ANO10: variants seen among roughly 807,000 people sequenced by gnomAD.
ANO10 encodes anoctamin 10, also known as anoctamin-10.
A neutral mutation model predicts 74.7 loss-of-function variants in ANO10; 77 were observed. The ratio of observed to expected loss-of-function variants is 1.03; its 90% CI spans 0.86 to 1.25. The LOEUF is 1.25. Ranked by LOEUF, ANO10 falls within the 50% of genes most tolerant of loss-of-function variation. The probability of loss-of-function intolerance (pLI) is 0.00; values close to 1 mark genes in which losing one functional copy is unlikely to be tolerated. For synonymous variants in ANO10, 279 were observed against 284.9 expected (o/e 0.98, Z 0.21); for missense variants, 721 against 778.1 (o/e 0.93, Z 0.87).
At position 43,464,024 on chromosome 3, in the gene ANO10, T is replaced by C. The variant is rs547191897; in HGVS notation, c.1798-31297A>G. Among the ~76,000 whole-genome samples, 17 of 152,302 alleles carry C rather than the reference T, an allele frequency of 1.1e-4. No homozygotes were observed. The East Asian group carries it at 2.9e-3, about 26-fold the overall frequency. On this transcript the variant is annotated intron_variant, in intron 11 of 12. Transcript: ENST00000292246. ...CTCTCTCTTTGCCTACTACCATCTA[T>C]GTAAGACATGACTTGCTCTTCCTCG...
chr3:43,604,372 T>C (rs958232121), intron 2 of ANO10, among the ~76,000 whole-genome samples: 7 of 152,154 alleles, frequency 4.6e-5, no homozygotes, highest in African/African-American at 1.7e-4. Context: ...GTGGGTATTG[T>C]GCAGAGTAAA....
chr3:43,578,610 C>G (rs1414767329), intron 5 of ANO10, among the ~76,000 whole-genome samples: 1 of 152,018 alleles, frequency 6.6e-6, no homozygotes, highest in Non-Finnish European at 1.5e-5. Flanking sequence ...ATTAGCCGGG[C>G]ATGGTGGTGT....
At chr3:43,521,180 C>T (rs1219971686) in intron 11 of ANO10, among the ~76,000 whole-genome samples, 1 of 152,128 alleles carries the variant, frequency 6.6e-6, no homozygotes, top group Non-Finnish European at 1.5e-5. Flanking sequence ...CTGGACAATG[C>T]TAAATAAAAC....
chr3:43,443,963 T>G (rs1222786376), intron 11 of ANO10, among the ~76,000 whole-genome samples: 2 of 152,172 alleles, frequency 1.3e-5, no homozygotes, highest in African/African-American at 4.8e-5. Flanking sequence ...ATTACAGGCA[T>G]GAGTCACTGC....
At chr3:43,396,638 A>G (rs1218983805) in intron 12 of ANO10, among the ~76,000 whole-genome samples, 1 of 151,700 alleles carries the variant, frequency 6.6e-6, no homozygotes, top group African/African-American at 2.4e-5. Flanking sequence ...CACCCGGCCC[A>G]TGTTTGATAA....
Position 43,631,716 on chromosome 3 carries a change from A to G in ANO10, c.-11-25853T>C, listed in dbSNP as rs549682900. 5.3e-5 allele frequency among the ~76,000 whole-genome samples: 8 copies of G among 151,922 alleles called. 1 individual carries two copies. The South Asian group carries it at 1.7e-3, about 32-fold the overall frequency. On this transcript the variant is annotated intron_variant, in intron 1 of 3. Transcript: ENST00000413397. ...ACACCCAACTTACCTCAATGAATGT[A>G]GAGAACCCATTATTTTCTATGGCAA...
intron 12 of ANO10, among the ~76,000 whole-genome samples, chr3:43,387,569 T>C (rs952846562): frequency 6.6e-6 from 1 of 152,160 alleles, no homozygotes; most frequent in African/African-American, 2.4e-5. Flanking sequence ...CTTTCCATTT[T>C]TCCCCAGATA....
chr3:43,624,794 A>G (rs1248919216), upstream of ANO10, among the ~76,000 whole-genome samples: 1 of 152,258 alleles, frequency 6.6e-6, no homozygotes, highest in African/African-American at 2.4e-5. Flanking sequence ...GGGATGGAGT[A>G]GGACAGGCGG....
At chr3:43,386,388 GGGGAAGGGAAAGGAAA>G (rs1253407546) in intron 12 of ANO10, among the ~76,000 whole-genome samples, 1 of 151,826 alleles carries the variant, frequency 6.6e-6, no homozygotes, top group African/African-American at 2.4e-5. Flanking sequence ...AAGGAGGAAA[GGGGAAGGGAAAGGAAA>G]GGGAAGGAAG....
chr3:43,552,726 A>ATATATG (rs1553710721), intron 10 of ANO10, among the ~76,000 whole-genome samples: 132 of 95,552 alleles, frequency 1.4e-3, no homozygotes, highest in African/African-American at 2.7e-3. Flanking sequence ...ATATATATAT[A>ATATATG]TATGTATGTA....
At chr3:43,416,687 G>T in intron 12 of ANO10, among the ~76,000 whole-genome samples, 1 of 152,068 alleles carries the variant, frequency 6.6e-6, no homozygotes, top group South Asian at 2.1e-4. Flanking sequence ...AAGGACATCT[G>T]GTTAAACACC....
chr3:43,402,872 G>A (rs1237245004), intron 12 of ANO10, among the ~76,000 whole-genome samples: 3 of 152,174 alleles, frequency 2.0e-5, no homozygotes, highest in Non-Finnish European at 2.9e-5. Context: ...TACCAAGACC[G>A]TACCATGGTC....
At chr3:43,425,363 G>A (rs192625204) in intron 12 of ANO10, among the ~76,000 whole-genome samples, 3 of 151,574 alleles carry the variant, frequency 2.0e-5, no homozygotes, top group Admixed American at 6.6e-5. Flanking sequence ...CAAATGGAGC[G>A]GGGGGAAGAA....
Position 43,600,544 on chromosome 3 carries a change from A to G in ANO10, c.177T>C (p.Tyr59=). The change falls in exon 3 of 13, where the codon TAT becomes TAC. Residue 59 remains tyrosine (Y), a synonymous_variant. Transcript: ENST00000292246. ...TCTGATTTTCTAGTGTTTCTTGTTC[A>G]TATTTATTTAACAATGGTCTAAACA... ...QLLFRPLLNK[Y]EQETLENQNL... 3 of 1,613,424 alleles carry G rather than the reference A, an allele frequency of 1.9e-6. No individual in the cohort carries two copies. Among genetic ancestry groups the G allele is most frequent in the Non-Finnish European group, 2.5e-6 (3 of 1,179,326 alleles).
chr3:43,405,464 C>A (rs1421157019), intron 12 of ANO10, among the ~76,000 whole-genome samples: 4 of 152,170 alleles, frequency 2.6e-5, no homozygotes, highest in Non-Finnish European at 5.9e-5. Context: ...GAGAAACTGG[C>A]AAATTATTCA....
intron 11 of ANO10, among the ~76,000 whole-genome samples, chr3:43,445,492 T>C (rs1263885052): frequency 6.6e-6 from 1 of 152,170 alleles, no homozygotes. Context: ...TACTTTATCA[T>C]ATATATTTAT....
intron 11 of ANO10, among the ~76,000 whole-genome samples, chr3:43,441,220 C>CA (rs71083070): frequency 0.91 from 135,098 of 148,528 alleles, 61,657 homozygotes; most frequent in Non-Finnish European, 0.96. Context: ...AAAACAACAG[C>CA]AAAAAAAAAA....
At position 43,458,219 on chromosome 3, in the gene ANO10, G is replaced by A. The variant is rs376471328; in HGVS notation, c.1798-25492C>T. Among the ~76,000 whole-genome samples the A allele has an allele frequency of 4.5e-4, 68 of 152,104 alleles. 1 individual carries two copies. Among genetic ancestry groups the A allele is most frequent in the Middle Eastern group, 3.4e-3 (1 of 294 alleles). On this transcript the variant is annotated intron_variant, in intron 11 of 12. Coordinates refer to ENST00000292246, the MANE Select transcript of ANO10 (RefSeq NM_018075.5). ...AAGGCTTGTTATAAATGCTGACCCC[G>A]GAGTCCTAGTCAAGAGACCCCCTGC...
At chr3:43,660,672 T>C (rs1439490143) in intron 1 of ANO10, among the ~76,000 whole-genome samples, 1 of 152,218 alleles carries the variant, frequency 6.6e-6, no homozygotes, top group Non-Finnish European at 1.5e-5. Context: ...GAAAACACTC[T>C]GGCTGGGCGC....
Sources: allele counts gnomAD v4.1 joint callset (sites outside exome capture counted in the v4.1 genomes callset), GRCh38; gene constraint gnomAD v4.1.1; transcripts MANE v1.5; gene names NCBI Gene and HGNC (gene_info 2026-07-23, HGNC 2026-07-21).